ZNF589: variants seen among roughly 807,000 people sequenced by gnomAD.
The protein encoded by ZNF589 is zinc finger protein 589.
Under a neutral mutation model 13.6 loss-of-function variants are expected in ZNF589, and 17 were observed. The observed-to-expected ratio is 1.25, with a 90% CI of 0.86 to 1.88. The LOEUF (loss-of-function observed/expected upper bound fraction) is 1.88, where lower values mean the gene tolerates loss of function less well. Among genes scored for constraint, ZNF589 ranks in the 40% most tolerant of loss-of-function variants. The pLI is 0.00. For synonymous variants in ZNF589, 148 were observed against 161.6 expected, an observed-to-expected ratio of 0.92 and a Z score of 0.64; for missense variants, 407 against 434.0, an observed-to-expected ratio of 0.94 and a Z score of 0.55.
In ZNF589 at chr3:48,244,939, C is replaced by T. The variant is rs552407440; in HGVS notation, c.44-2686C>T. On this transcript the variant is annotated intron_variant, in intron 1 of 3. Transcript: ENST00000354698. The stretch of plus-strand genomic sequence containing the variant: ...AAGTGATTCTCCTGCCTCAGCCTCC[C>T]GAGAAGCTGGGATTACAGGCATGCG... Among the ~76,000 whole-genome samples the T allele has an allele frequency of 9.9e-5, 15 of 152,092 alleles. No individual in the cohort carries two copies. The East Asian group carries it at 2.3e-3, about 24-fold the overall frequency.
intron 1 of ZNF589, among the ~76,000 whole-genome samples, chr3:48,245,382 G>T (rs987526304): frequency 1.3e-5 from 2 of 152,164 alleles, no homozygotes; most frequent in Non-Finnish European, 2.9e-5. Flanking sequence ...AACGTGCTGG[G>T]ATTACAGGCA....
Position 48,268,453 on chromosome 3 carries a change from G to C in ZNF589, c.762G>C (p.Gly254=). Residue 254 remains glycine (G), a synonymous_variant, in exon 4 of 4, where the codon GGG becomes GGC. Transcript: ENST00000354698. The part of the protein sequence containing the change: ...KRQSQVCREC[G]RGFSRKSQLI... Reference sequence around the variant, plus strand: ...AGTCACAGGTGTGCAGGGAGTGTGGGCGAGGCTTTAGCAGGAAGTCACAGC... The same window carrying C: ...AGTCACAGGTGTGCAGGGAGTGTGGCCGAGGCTTTAGCAGGAAGTCACAGC... 1 of 1,614,198 alleles carries C rather than the reference G, an allele frequency of 6.2e-7. No individual in the cohort carries two copies. The highest frequency in any genetic ancestry group is 8.5e-7 in the Non-Finnish European group (1 of 1,180,024).
intron 2 of ZNF589, among the ~76,000 whole-genome samples, chr3:48,251,375 T>C (rs2033836753): frequency 7.2e-6 from 1 of 138,996 alleles, no homozygotes; most frequent in African/African-American, 2.7e-5. Flanking sequence ...CTAGCCTGGG[T>C]GACAGAGCAA....
At chr3:48,267,044 A>G (rs1308038064) in intron 3 of ZNF589, among the ~76,000 whole-genome samples, 1 of 152,188 alleles carries the variant, frequency 6.6e-6, no homozygotes, top group Non-Finnish European at 1.5e-5. Flanking sequence ...AAGAATGTGC[A>G]TAGGAAGCCT....
intron 2 of ZNF589, among the ~76,000 whole-genome samples, chr3:48,258,872 T>A (rs1331655632): frequency 6.6e-6 from 1 of 152,214 alleles, no homozygotes; most frequent in East Asian, 1.9e-4. Flanking sequence ...AAAGCCTAGC[T>A]TCCATTGTAG....
chr3:48,256,305 A>G, intron 2 of ZNF589: 1 of 464,484 alleles, frequency 2.2e-6, no homozygotes, highest in Non-Finnish European at 4.2e-6. Flanking sequence ...CTCCTACTCC[A>G]CAGCGCAGGT....
At chr3:48,261,028 C>A in intron 3 of ZNF589, 89 bp downstream of exon 3, 1 of 1,393,072 alleles carries the variant, frequency 7.2e-7, no homozygotes, top group Non-Finnish European at 1.0e-6. Context: ...TCTCTTAGAA[C>A]ATATCAGTGA....
Position 48,241,183 on chromosome 3 carries a change from G to C in ZNF589, c.12G>C (p.Pro4=). Residue 4 remains proline, a synonymous_variant, in exon 1 of 4, where the codon CCG becomes CCC. Transcript: ENST00000354698. ...GCGTGCGCGCGCAGATGTGGGCCCC[G>C]CGGGAGCAGCTACTGGGCTGGACTG... MWA[P]REQLLGWTAE... is the part of the protein sequence containing the mutation. The C allele has an allele frequency of 6.2e-7, 1 of 1,613,616 alleles. No individual in the cohort carries two copies. The highest frequency in any genetic ancestry group is 8.5e-7 in the Non-Finnish European group (1 of 1,179,912).
Position 48,270,108 on chromosome 3 carries a change from C to T in ZNF589, c.*1322C>T, listed in dbSNP as rs1273953963. 2 of 456,986 alleles carry T rather than the reference C, an allele frequency of 4.4e-6. No individual in the cohort carries two copies. Among genetic ancestry groups the T allele is most frequent in the African/African-American group, 2.0e-5 (1 of 50,068 alleles). The allele number at this position is 456,986 out of a possible 1,614,324, so 28.3% of individuals were successfully genotyped here. A position where few individuals can be genotyped will look rare whatever the true frequency, so the allele number is the denominator to read the frequency against. On this transcript the variant is annotated 3_prime_UTR_variant, in exon 4 of 4. Coordinates refer to ENST00000354698, the MANE Select transcript of ZNF589 (RefSeq NM_016089.3). Reference sequence around the variant, plus strand: ...TTCTGCAACTGTGTTCTTCCATTAGCTTCCATGACACTCTCCTGCTTTATT... The same window carrying T: ...TTCTGCAACTGTGTTCTTCCATTAGTTTCCATGACACTCTCCTGCTTTATT...
Position 48,268,984 on chromosome 3 carries a change from C to T in ZNF589, c.*198C>T. ...ATGGATTTAGCCAGAAGTCGTCGCTCAAATCACATCGGAGAACACACTCAG... is the reference window on the plus strand; with the variant it reads ...ATGGATTTAGCCAGAAGTCGTCGCTTAAATCACATCGGAGAACACACTCAG... On this transcript the variant is annotated 3_prime_UTR_variant, in exon 4 of 4. Transcript: ENST00000354698. 1.2e-6 allele frequency: 1 copy of T among 818,006 alleles called. No individual in the cohort carries two copies. The highest frequency in any genetic ancestry group is 1.9e-6 in the Non-Finnish European group (1 of 515,098). The allele number at this position is 818,006 out of a possible 1,614,324, so 50.7% of individuals were successfully genotyped here.
At position 48,270,341 on chromosome 3, in the gene ZNF589, A is replaced by G. The variant is rs181701722; in HGVS notation, c.*1555A>G. On this transcript the variant is annotated 3_prime_UTR_variant, in exon 4 of 4. Coordinates refer to ENST00000354698, the MANE Select transcript of ZNF589 (RefSeq NM_016089.3). ...ACATAGCCACGCCACCTTGGCCTTC[A>G]ATGACAGGGATCTAGCAATGCTGCA... 2.4e-6 allele frequency: 1 copy of G among 412,380 alleles called. No individual in the cohort carries two copies. Among genetic ancestry groups the G allele is most frequent in the Non-Finnish European group, 4.9e-6 (1 of 206,082 alleles). 25.5% of individuals were successfully genotyped at this position (412,380 alleles called of 1,614,324 possible).
At chr3:48,245,580 G>T (rs2033754100) in intron 1 of ZNF589, among the ~76,000 whole-genome samples, 1 of 152,166 alleles carries the variant, frequency 6.6e-6, no homozygotes, top group African/African-American at 2.4e-5. Context: ...TGACATCCCA[G>T]TTCCTTTTCT....
At position 48,270,461 on chromosome 3, in the gene ZNF589, G is replaced by A; in HGVS notation, c.*1675G>A. 1 of 355,378 alleles carries A rather than the reference G, an allele frequency of 2.8e-6. No homozygotes were observed. Among genetic ancestry groups the A allele is most frequent in the South Asian group, 2.2e-5 (1 of 46,112 alleles). The allele number at this position is 355,378 out of a possible 1,614,324, so 22.0% of individuals were successfully genotyped here. On this transcript the variant is annotated 3_prime_UTR_variant, in exon 4 of 4. Transcript: ENST00000354698. Reference sequence around the variant, plus strand: ...TACCCAGTGTTTTAGCCATGCTCGGGTGGCTAAATTACATCCAGGAATGGT... The same window carrying A: ...TACCCAGTGTTTTAGCCATGCTCGGATGGCTAAATTACATCCAGGAATGGT...
chr3:48,257,889 C>A, intron 2 of ZNF589: 1 of 424,038 alleles, frequency 2.4e-6, no homozygotes. Context: ...TCTGGGTTTT[C>A]GGTTCTCTTC....
At chr3:48,259,684 GCA>G (rs2033947021) in intron 2 of ZNF589, among the ~76,000 whole-genome samples, 1 of 152,116 alleles carries the variant, frequency 6.6e-6, no homozygotes, top group South Asian at 2.1e-4. Flanking sequence ...TCCGAGGCCG[GCA>G]GATCACTTGA....
rs1390334494 is a variant in ZNF589, at chr3:48,269,979, T to G, written c.*1193T>G. On this transcript the variant is annotated 3_prime_UTR_variant, in exon 4 of 4. Coordinates refer to ENST00000354698, the MANE Select transcript of ZNF589 (RefSeq NM_016089.3). ...GCTTTGGGGACAGTCTTTTGACCCC[T>G]TACATTCCTTTAGATGTGAAGATGA... 1 of 455,628 alleles carries G rather than the reference T, an allele frequency of 2.2e-6. No homozygotes were observed. Among genetic ancestry groups the G allele is most frequent in the South Asian group, 1.6e-5 (1 of 64,438 alleles). The allele number at this position is 455,628 out of a possible 1,614,324, so 28.2% of individuals were successfully genotyped here.
chr3:48,243,965 G>A (rs1035541363), intron 1 of ZNF589, among the ~76,000 whole-genome samples: 1 of 152,180 alleles, frequency 6.6e-6, no homozygotes, highest in Non-Finnish European at 1.5e-5. Flanking sequence ...ACATCGTGAG[G>A]TCCTGGAGTG....
chr3:48,262,335 G>A (rs998512641), intron 3 of ZNF589, among the ~76,000 whole-genome samples: 29 of 151,796 alleles, frequency 1.9e-4, no homozygotes, highest in Middle Eastern at 3.4e-3. Flanking sequence ...GATTACAGGC[G>A]CGCATCACCA....
rs569269392 is a variant in ZNF589, at chr3:48,269,109, C to T, written c.*323C>T. ...ACACACACGGGAGAGAAGCCTTACACGTGCTTTGAGTGTGGGCGAAACTTT... is the reference window on the plus strand; with the variant it reads ...ACACACACGGGAGAGAAGCCTTACATGTGCTTTGAGTGTGGGCGAAACTTT... On this transcript the variant is annotated 3_prime_UTR_variant, in exon 4 of 4. Coordinates refer to ENST00000354698, the MANE Select transcript of ZNF589 (RefSeq NM_016089.3). 32 of 626,216 alleles carry T rather than the reference C, an allele frequency of 5.1e-5. No homozygotes were observed. The highest frequency in any genetic ancestry group is 2.8e-4 in the South Asian group (15 of 53,702). 38.8% of individuals were successfully genotyped at this position (626,216 alleles called of 1,614,324 possible).
Sources: allele counts gnomAD v4.1 joint callset (sites outside exome capture counted in the v4.1 genomes callset), GRCh38; gene constraint gnomAD v4.1.1; transcripts MANE v1.5; gene names NCBI Gene and HGNC (gene_info 2026-07-23, HGNC 2026-07-21).